NADK2: variants seen among roughly 807,000 people sequenced by gnomAD.
NADK2 encodes the protein NAD kinase 2, mitochondrial, also known as NAD kinase domain-containing protein 1, mitochondrial.
In NADK2, 35 loss-of-function variants were observed where a neutral mutation model predicts 62.1. That is an observed-to-expected ratio of 0.56 (90% confidence interval 0.43 to 0.75). The LOEUF is 0.75. NADK2 is among the 30% of genes least tolerant of loss of function. The pLI is 0.00. For synonymous variants in NADK2, 205 were observed against 207.9 expected, an observed-to-expected ratio of 0.99 and a Z score of 0.12; for missense variants, 439 against 561.3, an observed-to-expected ratio of 0.78 and a Z score of 2.20.
Position 36,241,825 on chromosome 5 carries a change from T to TGGGCTC in NADK2, c.-33_-28dup. The TGGGCTC allele has an allele frequency of 7.8e-7, 1 of 1,279,816 alleles. No individual in the cohort carries two copies. The highest frequency in any genetic ancestry group is 9.9e-7 in the Non-Finnish European group (1 of 1,013,864). The allele number at this position is 1,279,816 out of a possible 1,614,324, so 79.3% of individuals were successfully genotyped here. A position where few individuals can be genotyped will look rare whatever the true frequency, so the allele number is the denominator to read the frequency against. On this transcript the variant is annotated 5_prime_UTR_variant, in exon 1 of 12. Transcript: ENST00000381937. This position sits in a 1 kb window ranked among gnomAD's most constrained non-coding sequence, Gnocchi z 4.9. ...GTGGGCCGGGCCGCGGCCGCGGGCTTGGGCTCGGGCCCCTTGCCTCAGCTC... is the reference window on the plus strand; with the variant it reads ...GTGGGCCGGGCCGCGGCCGCGGGCTTGGGCTCGGGCTCGGGCCCCTTGCCTCAGCTC...
At chr5:36,222,225 T>G (rs546922410) in intron 4 of NADK2, among the ~76,000 whole-genome samples, 2 of 152,070 alleles carry the variant, frequency 1.3e-5, no homozygotes, top group South Asian at 2.1e-4. Context: ...AAGGGAACTT[T>G]TGACAAAAGC....
In NADK2 at chr5:36,194,592, ACAT is replaced by A. The variant is rs1746159438; in HGVS notation, c.*549_*551del. On this transcript the variant is annotated 3_prime_UTR_variant, in exon 12 of 12. Transcript: ENST00000381937. ...TGAAATTTTTAAATCAATAGTCATA[ACAT>A]CATCGTGTTCCGAAATTAGAAAATT... 1 of 152,202 alleles carries A rather than the reference ACAT, an allele frequency of 6.6e-6. No individual in the cohort carries two copies. Among genetic ancestry groups the A allele is most frequent in the Non-Finnish European group, 1.5e-5 (1 of 68,026 alleles). The allele number at this position is 152,202 out of a possible 1,614,324, so 9.4% of individuals were successfully genotyped here. A position where few individuals can be genotyped will look rare whatever the true frequency, so the allele number is the denominator to read the frequency against.
Position 36,241,596 on chromosome 5 carries a change from G to A in NADK2, c.203C>T (p.Pro68Leu), listed in dbSNP as rs1248172744. ...CGSRADGGFR[P>L]SRVVVVAKTT... ...TTTGGCCACCACCACCACCCGGGAG[G>A]GGCGGAAGCCGCCGTCCGCGCGGCT... Residue 68 changes from proline (P) to leucine (L), a missense_variant, in exon 1 of 12, where the codon CCC (proline) becomes CTC (leucine). Transcript: ENST00000381937. The surrounding 1 kb of genome is among the most constrained non-coding windows in gnomAD (Gnocchi z 4.9). The A allele has an allele frequency of 4.0e-6, 6 of 1,518,118 alleles. No individual in the cohort carries two copies. In the South Asian group the frequency reaches 4.8e-5, roughly 12 times the overall value. The allele number at this position is 1,518,118 out of a possible 1,614,324, so 94.0% of individuals were successfully genotyped here. A position where few individuals can be genotyped will look rare whatever the true frequency, so the allele number is the denominator to read the frequency against.
chr5:36,200,307 G>T, intron 9 of NADK2, 27 bp from the exon 10 acceptor site: 1 of 1,523,772 alleles, frequency 6.6e-7, no homozygotes, highest in Non-Finnish European at 8.9e-7. Flanking sequence ...GGGGGAAAAT[G>T]TATGTTATAA....
At chr5:36,217,950 T>A in intron 5 of NADK2, 66 bp from the exon 6 acceptor site, 2 of 1,426,980 alleles carry the variant, frequency 1.4e-6, no homozygotes, top group South Asian at 2.7e-5. Context: ...GACATTATAA[T>A]AATTTAACCA....
At chr5:36,225,006 C>T (rs1303534692) in intron 4 of NADK2, among the ~76,000 whole-genome samples, 2 of 152,048 alleles carry the variant, frequency 1.3e-5, no homozygotes, top group Non-Finnish European at 2.9e-5. Context: ...TCATTATTAA[C>T]TTGTCCCTCC....
rs1010109137 is a variant in NADK2, at chr5:36,226,324, CAG to C, written c.478+149_478+150del. The C allele has an allele frequency of 3.1e-5, 17 of 553,828 alleles. No individual in the cohort carries two copies. In the African/African-American group the frequency reaches 3.2e-4, roughly 10 times the overall value. The allele number at this position is 553,828 out of a possible 1,614,324, so 34.3% of individuals were successfully genotyped here. A position where few individuals can be genotyped will look rare whatever the true frequency, so the allele number is the denominator to read the frequency against. On this transcript the variant is annotated intron_variant, in intron 3 of 11. Transcript: ENST00000381937. Reference sequence around the variant, plus strand: ...ATTTAAAATGTAGCCTTGTATAAAACAGAAGTTTTAAACTTGATCGTAACAAT... The same window carrying C: ...ATTTAAAATGTAGCCTTGTATAAAACAAGTTTTAAACTTGATCGTAACAAT...
In NADK2 at chr5:36,206,641, T is replaced by G. The variant is rs568380672; in HGVS notation, c.956+529A>C. Among the ~76,000 whole-genome samples, 26 of 152,224 alleles carry G rather than the reference T, an allele frequency of 1.7e-4. No individual in the cohort carries two copies. The South Asian group carries it at 5.0e-3, about 29-fold the overall frequency. ...AATTCAGTTCTGAATTTGTTGAATC[T>G]GAAGTGCTACTAACATCCTATCTGG... On this transcript the variant is annotated intron_variant, in intron 8 of 11. Transcript: ENST00000381937.
intron 4 of NADK2, among the ~76,000 whole-genome samples, chr5:36,223,981 C>G (rs573757291): frequency 6.6e-6 from 1 of 152,222 alleles, no homozygotes; most frequent in East Asian, 1.9e-4. Flanking sequence ...TGAAGTAGTT[C>G]TAATCCAGTG....
chr5:36,241,172 AC>A lies in NADK2; in HGVS notation c.300+326del, dbSNP rs1748100284. On this transcript the variant is annotated intron_variant, in intron 1 of 11. Transcript: ENST00000381937. This position sits in a 1 kb window ranked among gnomAD's most constrained non-coding sequence, Gnocchi z 4.9. ...GAACGAGGGCGGGGGCGGCGAGGGC[AC>A]CAACGAATCCTCAAACCCCTCACTC... Among the ~76,000 whole-genome samples, 4 of 152,092 alleles carry A rather than the reference AC, an allele frequency of 2.6e-5. No homozygotes were observed. The highest frequency in any genetic ancestry group is 2.0e-4 in the Admixed American group (3 of 15,278).
In NADK2 at chr5:36,219,613, G is replaced by A. The variant is rs1291640519; in HGVS notation, c.627C>T (p.Phe209=). Residue 209 remains phenylalanine (F), a synonymous_variant, in exon 5 of 12, where the codon TTC becomes TTT. Transcript: ENST00000381937. The part of the protein sequence containing the change: ...THSFPEALQK[F]YRGEFRWLWR... ...ATTCCTACCTGAACTCACCACGATA[G>A]AACTTCTGTAAGGCTTCTGGAAAGG... 1.2e-6 allele frequency: 2 copies of A among 1,613,900 alleles called. No individual in the cohort carries two copies. Among genetic ancestry groups the A allele is most frequent in the Non-Finnish European group, 8.5e-7 (1 of 1,179,836 alleles).
In NADK2 at chr5:36,225,543, G is replaced by A. The variant is rs773035471; in HGVS notation, c.559C>T (p.Arg187Trp). 1.5e-5 allele frequency: 24 copies of A among 1,611,056 alleles called. No homozygotes were observed. Among genetic ancestry groups the A allele is most frequent in the Admixed American group, 6.7e-5 (4 of 59,724 alleles). Residue 187 changes from arginine to tryptophan, a missense_variant and splice_region_variant, in exon 4 of 12, where the codon CGG becomes TGG. Physicochemically the swap from Arg to Trp is moderately radical, Grantham distance 101. Transcript: ENST00000381937. ...CAAAATGTATACGTTCTTTCTTACC[G>A]TTCTGGATCAGTGTTTACCCCTATA... The part of the protein sequence containing the change: ...PVIGVNTDPE[R>W]SEGHLCLPVR...
chr5:36,216,425 T>C (rs1747045378), intron 6 of NADK2, among the ~76,000 whole-genome samples: 1 of 152,196 alleles, frequency 6.6e-6, no homozygotes, highest in African/African-American at 2.4e-5. Flanking sequence ...TTGTTTAATA[T>C]AGTTCCATTT....
At chr5:36,227,596 C>T (rs1056381286) in intron 1 of NADK2, 31 bp from the exon 2 acceptor site, 19 of 1,231,842 alleles carry the variant, frequency 1.5e-5, no homozygotes, top group Non-Finnish European at 1.7e-5. Context: ...CGTTGTTTTA[C>T]TAATATATAT....
At chr5:36,198,368 C>T (rs1414278583) in intron 10 of NADK2, among the ~76,000 whole-genome samples, 1 of 151,686 alleles carries the variant, frequency 6.6e-6, no homozygotes, top group Non-Finnish European at 1.5e-5. Flanking sequence ...ATCTAATTCA[C>T]CCACAAAAAT....
At chr5:36,203,278 G>T (rs1197942140) in intron 8 of NADK2, among the ~76,000 whole-genome samples, 1 of 152,044 alleles carries the variant, frequency 6.6e-6, no homozygotes, top group African/African-American at 2.4e-5. Flanking sequence ...AATGTGCTCA[G>T]AGATAGTAGT....
rs77298322 is a variant in NADK2 at position 36,205,323 on chromosome 5, G to T, written c.956+1847C>A. ...GTGTTAAGGATTTGCTAAAGAGAAT[G>T]ACATTTCAAGACTGGATTTTCAGAC... On this transcript the variant is annotated intron_variant, in intron 8 of 11. Coordinates refer to ENST00000381937, the MANE Select transcript of NADK2 (RefSeq NM_001085411.3). This position sits in a 1 kb window ranked among gnomAD's most constrained non-coding sequence, Gnocchi z 4.1. Among the ~76,000 whole-genome samples the T allele has an allele frequency of 6.6e-6, 1 of 151,662 alleles. No individual in the cohort carries two copies. The highest frequency in any genetic ancestry group is 1.5e-5 in the Non-Finnish European group (1 of 67,860).
chr5:36,224,661 A>C (rs545039183), intron 4 of NADK2, among the ~76,000 whole-genome samples: 1 of 152,280 alleles, frequency 6.6e-6, no homozygotes, highest in Non-Finnish European at 1.5e-5. Context: ...CAAAATACTG[A>C]AAGTCAAAGG....
At chr5:36,225,371 A>G (rs2112161510) in intron 4 of NADK2, among the ~76,000 whole-genome samples, 171 bp downstream of exon 4, 1 of 152,336 alleles carries the variant, frequency 6.6e-6, no homozygotes, top group Non-Finnish European at 1.5e-5. Flanking sequence ...GTAGCAACAG[A>G]GCCCAAGAAT....
Sources: gnomAD v4.1 joint callset for allele counts (sites outside exome capture counted in the v4.1 genomes callset) on GRCh38, gnomAD v4.1.1 for gene constraint, Gnocchi (gnomAD v3.1) non-coding constraint, MANE v1.5 for transcripts, NCBI Gene and HGNC (gene_info 2026-07-23, HGNC 2026-07-21) for gene names.